Variants in STIM1 observed in about 807,000 individuals in gnomAD.
The protein encoded by STIM1 is stromal interaction molecule 1.
In STIM1, 25 loss-of-function variants were observed where a neutral mutation model predicts 74.7. The ratio of observed to expected loss-of-function variants is 0.33; its 90% CI spans 0.24 to 0.47. STIM1 has a LOEUF of 0.47. STIM1 is among the 20% of genes least tolerant of loss of function. The pLI, the probability that STIM1 is intolerant of heterozygous loss-of-function variation, is 1.00. For missense variants in STIM1, 728 were observed against 920.8 expected (o/e 0.79, Z 2.71); for synonymous variants, 328 against 348.8 (o/e 0.94, Z 0.66).
chr11:3,917,177 G>A (rs1590563030), intron 1 of STIM1, among the ~76,000 whole-genome samples: 1 of 152,092 alleles, frequency 6.6e-6, no homozygotes, highest in African/African-American at 2.4e-5. Flanking sequence ...GCAGGGTGAG[G>A]CCTAATTGAA....
intron 1 of STIM1, among the ~76,000 whole-genome samples, chr11:3,930,359 T>C (rs1305729457): frequency 6.6e-6 from 1 of 152,252 alleles, no homozygotes; most frequent in Non-Finnish European, 1.5e-5. Flanking sequence ...CTTCTGACTT[T>C]GTCTTTCGAA....
At chr11:4,030,186 A>T (rs1284110909) in intron 3 of STIM1, among the ~76,000 whole-genome samples, 1 of 152,038 alleles carries the variant, frequency 6.6e-6, no homozygotes, top group Non-Finnish European at 1.5e-5. Context: ...AAAATTAGCC[A>T]GGTGTGGTGG....
At chr11:3,900,623 T>C (rs2092323790) in intron 1 of STIM1, among the ~76,000 whole-genome samples, 1 of 152,324 alleles carries the variant, frequency 6.6e-6, no homozygotes, top group East Asian at 1.9e-4. Context: ...TTTCCCTCTA[T>C]TGCCCAGGCT....
Position 3,942,992 on chromosome 11 carries a change from C to T in STIM1, c.140-24560C>T, listed in dbSNP as rs184548397. On this transcript the variant is annotated intron_variant, in intron 1 of 12. Coordinates refer to ENST00000526596, the MANE Select transcript of STIM1 (RefSeq NM_001382567.1). ...ATGGACTTTGCCTGGAACAGACACCCCAGAAGGATGTTATCATTGTTAAAG... is the reference window on the plus strand; with the variant it reads ...ATGGACTTTGCCTGGAACAGACACCTCAGAAGGATGTTATCATTGTTAAAG... Among the ~76,000 whole-genome samples the T allele has an allele frequency of 2.6e-5, 4 of 152,248 alleles. No homozygotes were observed. The East Asian group carries it at 5.8e-4, about 22-fold the overall frequency.
At chr11:3,866,602 T>C (rs1276718635) in intron 1 of STIM1, among the ~76,000 whole-genome samples, 1 of 152,058 alleles carries the variant, frequency 6.6e-6, no homozygotes, top group Non-Finnish European at 1.5e-5. Flanking sequence ...AATTTTTGTA[T>C]ATTTAGTAGA....
At chr11:3,978,201 T>C (rs1178169669) in intron 2 of STIM1, among the ~76,000 whole-genome samples, 7 of 148,468 alleles carry the variant, frequency 4.7e-5, no homozygotes, top group Admixed American at 2.7e-4. Flanking sequence ...CAGGCTGGAG[T>C]GCAATGGCAC....
At chr11:3,964,454 T>C (rs75039656) in intron 1 of STIM1, among the ~76,000 whole-genome samples, 1 of 152,202 alleles carries the variant, frequency 6.6e-6, no homozygotes. Flanking sequence ...CTCTATGTCA[T>C]CTGATGCTAG....
intron 5 of STIM1, among the ~76,000 whole-genome samples, chr11:4,060,566 AT>A (rs2133111081): frequency 6.6e-6 from 1 of 152,158 alleles, no homozygotes; most frequent in South Asian, 2.1e-4. Flanking sequence ...TCTAGGACAC[AT>A]TTTACTCACC....
In STIM1 at chr11:3,972,652, A is replaced by G. The variant is rs545341935; in HGVS notation, c.270+4970A>G. Among the ~76,000 whole-genome samples, 158 of 151,734 alleles carry G rather than the reference A, an allele frequency of 1.0e-3. 1 individual carries two copies. Among genetic ancestry groups the G allele is most frequent in the African/African-American group, 3.7e-3 (151 of 41,350 alleles). On this transcript the variant is annotated intron_variant, in intron 2 of 12. Coordinates refer to ENST00000526596, the MANE Select transcript of STIM1 (RefSeq NM_001382567.1). ...CACAGTCCTACTTTTTTTTTTGCCTATACACATTAATATTGTCTAAAACAT... is the reference window on the plus strand; with the variant it reads ...CACAGTCCTACTTTTTTTTTTGCCTGTACACATTAATATTGTCTAAAACAT...
At chr11:3,959,610 T>A (rs921935752) in intron 1 of STIM1, among the ~76,000 whole-genome samples, 2 of 152,186 alleles carry the variant, frequency 1.3e-5, no homozygotes, top group Admixed American at 1.3e-4. Flanking sequence ...AACAGAGCTA[T>A]GCACAAAGTG....
intron 1 of STIM1, among the ~76,000 whole-genome samples, chr11:3,887,891 C>G (rs2091769525): frequency 6.6e-6 from 1 of 151,240 alleles, no homozygotes; most frequent in South Asian, 2.1e-4. Flanking sequence ...TCGCTTCAAC[C>G]CGGGAGGCAC....
At chr11:3,984,005 T>G (rs1437023769) in intron 2 of STIM1, among the ~76,000 whole-genome samples, 1 of 152,132 alleles carries the variant, frequency 6.6e-6, no homozygotes, top group Non-Finnish European at 1.5e-5. Context: ...TAGCTGGGAT[T>G]ACAGGCATAT....
At chr11:3,858,237 T>G (rs1210091224) in intron 1 of STIM1, among the ~76,000 whole-genome samples, 2 of 139,990 alleles carry the variant, frequency 1.4e-5, no homozygotes, top group African/African-American at 2.5e-5. Flanking sequence ...AGGAAGGTTT[T>G]TTTTTTTTTG....
chr11:3,915,905 A>C (rs1238690661), intron 1 of STIM1, among the ~76,000 whole-genome samples: 1 of 152,042 alleles, frequency 6.6e-6, no homozygotes, highest in Admixed American at 6.6e-5. Context: ...AAAATACAAA[A>C]AGAATTAGCC....
intron 1 of STIM1, among the ~76,000 whole-genome samples, chr11:3,896,044 A>G (rs1442992728): frequency 2.0e-3 from 300 of 149,978 alleles, no homozygotes; most frequent in African/African-American, 7.3e-3. Flanking sequence ...ACCTGGGACT[A>G]CAGGCGCCCA....
chr11:3,973,126 G>A (rs1478687951), intron 2 of STIM1: 1 of 414,718 alleles, frequency 2.4e-6, no homozygotes, highest in South Asian at 1.8e-5. Flanking sequence ...GCGTAACCAG[G>A]GCTGCCCCTC....
chr11:3,998,586 T>C (rs2093683560), intron 2 of STIM1, among the ~76,000 whole-genome samples: 2 of 152,182 alleles, frequency 1.3e-5, no homozygotes, highest in African/African-American at 4.8e-5. Flanking sequence ...TATTCATTTA[T>C]GTATTCCAGA....
chr11:3,908,775 A>G (rs1459325217), intron 1 of STIM1, among the ~76,000 whole-genome samples: 1 of 152,212 alleles, frequency 6.6e-6, no homozygotes, highest in Admixed American at 6.5e-5. Context: ...ATAAACCACA[A>G]GCCTAGAAAC....
At chr11:3,930,470 A>G (rs1044723886) in intron 1 of STIM1, among the ~76,000 whole-genome samples, 1 of 152,198 alleles carries the variant, frequency 6.6e-6, no homozygotes, top group Non-Finnish European at 1.5e-5. Flanking sequence ...ATTATCTCAT[A>G]TAGCTCAGGA....
Sources: allele counts gnomAD v4.1 joint callset (sites outside exome capture counted in the v4.1 genomes callset), GRCh38; gene constraint gnomAD v4.1.1; transcripts MANE v1.5; gene names NCBI Gene and HGNC (gene_info 2026-07-23, HGNC 2026-07-21).